The following HERC3 variants were observed in gnomAD, a reference collection of about 807,000 sequenced individuals.
The protein encoded by HERC3 is probable E3 ubiquitin-protein ligase HERC3.
A neutral mutation model predicts 129.9 loss-of-function variants in HERC3; 58 were observed. The observed-to-expected ratio is 0.45, with a 90% CI of 0.36 to 0.56. The LOEUF (loss-of-function observed/expected upper bound fraction) is 0.56. HERC3 is among the 20% of genes least tolerant of loss of function. HERC3 has a pLI of 0.00. For missense variants in HERC3, 835 were observed against 1,244.2 expected, an observed-to-expected ratio of 0.67 and a Z score of 4.95; for synonymous variants, 430 against 451.0, an observed-to-expected ratio of 0.95 and a Z score of 0.59.
the HERC3 span, among the ~76,000 whole-genome samples, chr4:88,551,377 C>T: frequency 0.047 from 6,853 of 146,232 alleles, 353 homozygotes; most frequent in East Asian, 0.27. Context: ...TTTTTGCAAC[C>T]TACTCATCTG....
At chr4:88,682,197 TTC>T (rs1469459764) in intron 21 of HERC3, among the ~76,000 whole-genome samples, 1 of 152,240 alleles carries the variant, frequency 6.6e-6, no homozygotes, top group Admixed American at 6.5e-5. Flanking sequence ...AAGTTTTCAT[TTC>T]TCTTGGTATA....
At chr4:88,602,949 G>A (rs1723174948) in intron 2 of HERC3, among the ~76,000 whole-genome samples, 1 of 152,174 alleles carries the variant, frequency 6.6e-6, no homozygotes, top group Non-Finnish European at 1.5e-5. Flanking sequence ...TTCAGGAGGG[G>A]CTCTGAGGGC....
At chr4:88,603,409 T>C (rs916714662) in intron 2 of HERC3, among the ~76,000 whole-genome samples, 1 of 152,142 alleles carries the variant, frequency 6.6e-6, no homozygotes, top group South Asian at 2.1e-4. Context: ...GGTTTCACCA[T>C]GTTGGTCAGG....
At chr4:88,578,351 G>T in the HERC3 span, among the ~76,000 whole-genome samples, 1 of 152,150 alleles carries the variant, frequency 6.6e-6, no homozygotes, top group Non-Finnish European at 1.5e-5. Context: ...GGAGGACGAG[G>T]CGGGTAGATC....
intron 3 of HERC3, among the ~76,000 whole-genome samples, chr4:88,646,315 G>A (rs1031140686): frequency 6.6e-6 from 1 of 152,074 alleles, no homozygotes; most frequent in African/African-American, 2.4e-5. Context: ...AATTATGATG[G>A]GCTCAAGAGC....
At chr4:88,679,028 G>A (rs1289833620) in intron 19 of HERC3, among the ~76,000 whole-genome samples, 1 of 152,106 alleles carries the variant, frequency 6.6e-6, no homozygotes, top group African/African-American at 2.4e-5. Flanking sequence ...TTTTACTCTT[G>A]TCCTGCTCTA....
At chr4:88,638,305 G>T (rs1426160372) in intron 3 of HERC3, among the ~76,000 whole-genome samples, 1 of 152,038 alleles carries the variant, frequency 6.6e-6, no homozygotes, top group Admixed American at 6.6e-5. Flanking sequence ...AAAATTTCAG[G>T]CCAATATCCT....
the HERC3 span, among the ~76,000 whole-genome samples, chr4:88,544,719 C>A: frequency 1.6e-3 from 241 of 152,306 alleles, no homozygotes; most frequent in African/African-American, 5.5e-3. Context: ...CACATATACA[C>A]CATGGAATAC....
At chr4:88,568,252 C>T in the HERC3 span, among the ~76,000 whole-genome samples, 1 of 152,208 alleles carries the variant, frequency 6.6e-6, no homozygotes, top group Non-Finnish European at 1.5e-5. Context: ...CTGGGTCTCT[C>T]CCTAGGCCTG....
the HERC3 span, among the ~76,000 whole-genome samples, chr4:88,573,640 C>T: frequency 3.9e-5 from 6 of 152,152 alleles, no homozygotes; most frequent in Non-Finnish European, 7.4e-5. Context: ...GATTCATTGA[C>T]GGTCCCAAAG....
chr4:88,665,942 C>T (rs1731000956), intron 12 of HERC3, among the ~76,000 whole-genome samples: 1 of 152,170 alleles, frequency 6.6e-6, no homozygotes, highest in Admixed American at 6.5e-5. Context: ...GGACATTTGG[C>T]AATTTCTGGT....
At chr4:88,543,638 G>C in the HERC3 span, among the ~76,000 whole-genome samples, 4 of 152,220 alleles carry the variant, frequency 2.6e-5, no homozygotes, top group South Asian at 6.2e-4. Flanking sequence ...TCAATCCTAA[G>C]CCAAAAGAAC....
In HERC3 at chr4:88,708,181, A is replaced by C. The variant is rs970663349; in HGVS notation, c.*1221A>C. 1 of 152,596 alleles carries C rather than the reference A, an allele frequency of 6.6e-6. No homozygotes were observed. Among genetic ancestry groups the C allele is most frequent in the Non-Finnish European group, 1.5e-5 (1 of 68,030 alleles). The allele number at this position is 152,596 out of a possible 1,614,324, so 9.5% of individuals were successfully genotyped here. On this transcript the variant is annotated 3_prime_UTR_variant, in exon 26 of 26. Coordinates refer to ENST00000402738, the MANE Select transcript of HERC3 (RefSeq NM_014606.3). ...AGGGGGGATTGTGTTTAAATCAAAT[A>C]TATGTATTTTAAAAATAATGACATG...
intron 12 of HERC3, among the ~76,000 whole-genome samples, chr4:88,666,493 A>G (rs1731059698): frequency 6.6e-6 from 1 of 152,194 alleles, no homozygotes; most frequent in African/African-American, 2.4e-5. Flanking sequence ...CAAGCAATTT[A>G]TCTTCATTTG....
intron 21 of HERC3, among the ~76,000 whole-genome samples, chr4:88,682,862 G>T (rs1414986445): frequency 6.6e-6 from 1 of 151,920 alleles, no homozygotes; most frequent in Admixed American, 6.5e-5. Context: ...CGGGTCAAAT[G>T]GTATTTCTAG....
the HERC3 span, among the ~76,000 whole-genome samples, chr4:88,577,516 T>C: frequency 0.042 from 6,360 of 151,498 alleles, 380 homozygotes; most frequent in East Asian, 0.27. Context: ...TGAATATTTA[T>C]ATAAGTGCCA....
intron 21 of HERC3, chr4:88,685,089 A>T (rs1179908432): frequency 6.6e-6 from 1 of 152,230 alleles, no homozygotes; most frequent in Non-Finnish European, 1.5e-5. Flanking sequence ...AAAAGTCAGG[A>T]AACAACAGAT....
chr4:88,697,826 T>G, intron 23 of HERC3: 1 of 1,503,580 alleles, frequency 6.7e-7, no homozygotes, highest in Non-Finnish European at 8.9e-7. Context: ...TCCAGAGAGA[T>G]CTTGCGGATG....
chr4:88,669,017 T>C (rs1731333489), intron 14 of HERC3, among the ~76,000 whole-genome samples: 2 of 152,194 alleles, frequency 1.3e-5, no homozygotes, highest in African/African-American at 4.8e-5. Flanking sequence ...CTTTCAAGTT[T>C]TAGAGTTTTT....
Sources: gnomAD v4.1 joint callset for allele counts (sites outside exome capture counted in the v4.1 genomes callset) on GRCh38, gnomAD v4.1.1 for gene constraint, MANE v1.5 for transcripts, NCBI Gene and HGNC (gene_info 2026-07-23, HGNC 2026-07-21) for gene names.